DOHH: variants seen among roughly 807,000 people sequenced by gnomAD.
DOHH encodes HEAT-like (PBS lyase) repeat containing 1.
Under a neutral mutation model 19.9 loss-of-function variants are expected in DOHH, and 16 were observed. The observed-to-expected ratio is 0.80, with a 90% CI of 0.54 to 1.22. The LOEUF is 1.22. Among genes scored for constraint, DOHH ranks in the 50% most tolerant of loss-of-function variants. The pLI, the probability that DOHH is intolerant of heterozygous loss-of-function variation, is 0.00. For synonymous variants in DOHH, 233 were observed against 217.0 expected, an observed-to-expected ratio of 1.07 and a Z score of -0.65; for missense variants, 460 against 460.6, an observed-to-expected ratio of 1.00 and a Z score of 0.01.
Position 3,496,870 on chromosome 19 carries a change from C to A in DOHH, c.-56G>T. 7.1e-7 allele frequency: 1 copy of A among 1,413,686 alleles called. No homozygotes were observed. The highest frequency in any genetic ancestry group is 1.4e-5 in the African/African-American group (1 of 70,384). 87.6% of individuals were successfully genotyped at this position (1,413,686 alleles called of 1,614,324 possible). Reference sequence around the variant, plus strand: ...ACCCTGCTCAGGCTAAACCTGGGGACGCGGGGATGTAAGAACCTGTGGCAG... The same window carrying A: ...ACCCTGCTCAGGCTAAACCTGGGGAAGCGGGGATGTAAGAACCTGTGGCAG... On this transcript the variant is annotated 5_prime_UTR_variant, in exon 2 of 5. Coordinates refer to ENST00000427575, the MANE Select transcript of DOHH (RefSeq NM_001145165.2). The surrounding 1 kb of genome is among the most constrained non-coding windows in gnomAD (Gnocchi z 4.8).
In DOHH at chr19:3,496,678, G is replaced by T; in HGVS notation, c.137C>A (p.Ala46Asp). Residue 46 changes from alanine to aspartate, a missense_variant, in exon 2 of 5, where the codon GCC (alanine) becomes GAC (aspartate). Transcript: ENST00000427575. This position sits in a 1 kb window ranked among gnomAD's most constrained non-coding sequence, Gnocchi z 4.8. Reference sequence around the variant, plus strand: ...GAGCAGGGCGGAATCGTCATCGAAGGCCTGGCTGATCCATGCAATGGCGCC... The same window carrying T: ...GAGCAGGGCGGAATCGTCATCGAAGTCCTGGCTGATCCATGCAATGGCGCC... ...GPGAIAWISQ[A>D]FDDDSALLKH... 1 of 1,613,914 alleles carries T rather than the reference G, an allele frequency of 6.2e-7. No homozygotes were observed. Among genetic ancestry groups the T allele is most frequent in the African/African-American group, 1.3e-5 (1 of 75,078 alleles).
intron 2 of DOHH, among the ~76,000 whole-genome samples, 194 bp from the exon 3 acceptor site, chr19:3,494,298 A>G (rs2082892146): frequency 6.6e-6 from 1 of 152,120 alleles, no homozygotes; most frequent in South Asian, 2.1e-4. Context: ...TCCCCAGAGC[A>G]AGGCACTGCC....
chr19:3,492,617 T>C, intron 3 of DOHH, 118 bp from the exon 4 acceptor site: 1 of 833,462 alleles, frequency 1.2e-6, no homozygotes, highest in Non-Finnish European at 1.7e-6. Context: ...GACTAACCCA[T>C]CATTCCAGGC....
At position 3,492,386 on chromosome 19, in the gene DOHH, C is replaced by T; in HGVS notation, c.465G>A (p.Glu155=). 1 of 1,534,920 alleles carries T rather than the reference C, an allele frequency of 6.5e-7. No individual in the cohort carries two copies. Among genetic ancestry groups the T allele is most frequent in the Non-Finnish European group, 8.7e-7 (1 of 1,147,618 alleles). Residue 155 remains glutamate (E), a synonymous_variant, in exon 4 of 5, where the codon GAG becomes GAA. Transcript: ENST00000427575. ...LSVDPAPPAE[E]RDVGRLREAL... is the part of the protein sequence containing the mutation. The stretch of plus-strand genomic sequence containing the variant: ...CCTCCCGCAGGCGCCCCACGTCACG[C>T]TCCTCAGCCGGCGGGGCAGGGTCCA...
intron 1 of DOHH, among the ~76,000 whole-genome samples, chr19:3,497,751 AG>A (rs1472889571): frequency 6.6e-6 from 1 of 151,936 alleles, no homozygotes; most frequent in African/African-American, 2.4e-5. Context: ...CAGACTTCCT[AG>A]TGGCTGTGTC....
Position 3,492,394 on chromosome 19 carries a change from C to A in DOHH, c.457G>T (p.Ala153Ser). The A allele has an allele frequency of 6.5e-7, 1 of 1,531,252 alleles. No homozygotes were observed. The highest frequency in any genetic ancestry group is 8.7e-7 in the Non-Finnish European group (1 of 1,145,750). 94.9% of individuals were successfully genotyped at this position (1,531,252 alleles called of 1,614,324 possible). A position where few individuals can be genotyped will look rare whatever the true frequency, so the allele number is the denominator to read the frequency against. Reference protein sequence around the residue: ...PYLSVDPAPPAEERDVGRLRE... With the variant: ...PYLSVDPAPPSEERDVGRLRE... ...AGGCGCCCCACGTCACGCTCCTCAGCCGGCGGGGCAGGGTCCACGGAGAGG... is the reference window on the plus strand; with the variant it reads ...AGGCGCCCCACGTCACGCTCCTCAGACGGCGGGGCAGGGTCCACGGAGAGG... The change falls in exon 4 of 5, where the codon GCT (alanine) becomes TCT (serine). Residue 153 changes from alanine to serine, a missense_variant. By Grantham distance (99) the Ala-to-Ser change is moderately conservative (BLOSUM62 1). Coordinates refer to ENST00000427575, the MANE Select transcript of DOHH (RefSeq NM_001145165.2).
intron 1 of DOHH, among the ~76,000 whole-genome samples, chr19:3,499,056 C>T (rs1353297665): frequency 1.3e-5 from 2 of 152,108 alleles, no homozygotes; most frequent in African/African-American, 4.8e-5. Flanking sequence ...GTTGGTCTGG[C>T]GATATTTTCC....
rs575133549 is a variant in DOHH, at chr19:3,499,077, C to T, written c.-73+1484G>A. On this transcript the variant is annotated intron_variant, in intron 1 of 4. Coordinates refer to ENST00000427575, the MANE Select transcript of DOHH (RefSeq NM_001145165.2). ...CTGGCGATATTTTCCAGGCCTTCTC[C>T]CTGTAACCGGTTACAGAAATAAAAA... Among the ~76,000 whole-genome samples, 13 of 152,224 alleles carry T rather than the reference C, an allele frequency of 8.5e-5. No individual in the cohort carries two copies. In the South Asian group the frequency reaches 2.3e-3, roughly 27 times the overall value.
chr19:3,500,176 C>G (rs1280427349), intron 1 of DOHH, among the ~76,000 whole-genome samples: 1 of 152,226 alleles, frequency 6.6e-6, no homozygotes, highest in African/African-American at 2.4e-5. Flanking sequence ...GCTGGCAGCC[C>G]TCTCTGGTGA....
At chr19:3,498,014 C>T (rs1374997506) in intron 1 of DOHH, among the ~76,000 whole-genome samples, 1 of 152,174 alleles carries the variant, frequency 6.6e-6, no homozygotes, top group Non-Finnish European at 1.5e-5. Flanking sequence ...CACTCCCTTG[C>T]TTAAAATCCT....
chr19:3,497,671 C>A (rs964400490), intron 1 of DOHH, among the ~76,000 whole-genome samples: 2 of 152,172 alleles, frequency 1.3e-5, no homozygotes, highest in African/African-American at 4.8e-5. Context: ...TGTCGCCAGG[C>A]TGGAGTACGG....
chr19:3,499,978 G>T (rs1192344984), intron 1 of DOHH, among the ~76,000 whole-genome samples: 2 of 152,196 alleles, frequency 1.3e-5, no homozygotes, highest in African/African-American at 4.8e-5. Context: ...TTGGGAACTT[G>T]CTTGGGAGCA....
At chr19:3,493,648 G>T (rs1301273681) in intron 3 of DOHH, among the ~76,000 whole-genome samples, 2 of 152,040 alleles carry the variant, frequency 1.3e-5, no homozygotes, top group Non-Finnish European at 2.9e-5. Flanking sequence ...GGTAGCAGGA[G>T]ATCTCTGAAG....
Position 3,491,900 on chromosome 19 carries a change from C to T in DOHH, c.590-89G>A. ...AAGACATGGGGTCTTGCTATCTTGC[C>T]CAGGCAGGTCACAAAGTCCTGGCGA... On this transcript the variant is annotated intron_variant, in intron 4 of 4. Transcript: ENST00000427575. This position sits in a 1 kb window ranked among gnomAD's most constrained non-coding sequence, Gnocchi z 5.6. 7.7e-7 allele frequency: 1 copy of T among 1,296,610 alleles called. No homozygotes were observed. The highest frequency in any genetic ancestry group is 1.0e-6 in the Non-Finnish European group (1 of 990,988). The allele number at this position is 1,296,610 out of a possible 1,614,324, so 80.3% of individuals were successfully genotyped here.
At chr19:3,498,652 G>A (rs1004576266) in intron 1 of DOHH, among the ~76,000 whole-genome samples, 5 of 152,124 alleles carry the variant, frequency 3.3e-5, no homozygotes, top group African/African-American at 7.2e-5. Flanking sequence ...TGATCCACCC[G>A]CCTCAGCCTC....
intron 3 of DOHH, 82 bp from the exon 4 acceptor site, chr19:3,492,581 G>A: frequency 8.7e-7 from 1 of 1,144,418 alleles, no homozygotes; most frequent in South Asian, 2.0e-5. Flanking sequence ...TGGCAGCTTA[G>A]CAGGGGAGAG....
At chr19:3,498,038 A>T (rs2082922948) in intron 1 of DOHH, among the ~76,000 whole-genome samples, 1 of 151,980 alleles carries the variant, frequency 6.6e-6, no homozygotes, top group Non-Finnish European at 1.5e-5. Context: ...ATGCCTCCTC[A>T]CTCAACTACT....
At chr19:3,492,221 G>T in intron 4 of DOHH, 41 bp downstream of exon 4, 1 of 1,413,106 alleles carries the variant, frequency 7.1e-7, no homozygotes, top group South Asian at 1.6e-5. Context: ...ACCTCACAGC[G>T]AGGCACTGCC....
chr19:3,494,164 C>A, intron 2 of DOHH, 60 bp from the exon 3 acceptor site: 1 of 1,504,662 alleles, frequency 6.6e-7, no homozygotes, highest in Non-Finnish European at 9.2e-7. Context: ...AAATGCCCGG[C>A]TACCTCTGGG....
Sources: allele counts gnomAD v4.1 joint callset (sites outside exome capture counted in the v4.1 genomes callset), GRCh38; gene constraint gnomAD v4.1.1; non-coding constraint Gnocchi (gnomAD v3.1); transcripts MANE v1.5; gene names NCBI Gene and HGNC (gene_info 2026-07-23, HGNC 2026-07-21).